The following HCFC2 variants were observed in gnomAD, a reference collection of about 807,000 sequenced individuals.
The protein encoded by HCFC2 is host cell factor C2.
In HCFC2, 18 loss-of-function variants were observed where a neutral mutation model predicts 89.2. The observed-to-expected ratio is 0.20, with a 90% CI of 0.14 to 0.30. The LOEUF (loss-of-function observed/expected upper bound fraction) is 0.30, where lower values mean the gene tolerates loss of function less well. HCFC2 is among the 10% of genes least tolerant of loss of function. The pLI is 1.00. For missense variants in HCFC2, 578 were observed against 956.1 expected (o/e 0.60, Z 5.21); for synonymous variants, 308 against 335.7 (o/e 0.92, Z 0.90).
chr12:104,085,685 G>A (rs1261297099), intron 7 of HCFC2, among the ~76,000 whole-genome samples: 1 of 150,934 alleles, frequency 6.6e-6, no homozygotes, highest in African/African-American at 2.4e-5. Context: ...TTTGGTGGAA[G>A]AGGGGGCTCA....
intron 3 of HCFC2, among the ~76,000 whole-genome samples, chr12:104,077,729 CAT>C (rs1283580707): frequency 9.2e-5 from 14 of 151,984 alleles, no homozygotes; most frequent in Middle Eastern, 3.4e-3. Flanking sequence ...GAAATTAACA[CAT>C]GTTTACAATG....
At chr12:104,078,202 C>T (rs567240904) in intron 3 of HCFC2, among the ~76,000 whole-genome samples, 34 of 152,210 alleles carry the variant, frequency 2.2e-4, no homozygotes, top group Non-Finnish European at 2.8e-4. Flanking sequence ...AGAGTTTCAC[C>T]GTGTTAGCTA....
At chr12:104,083,586 A>G (rs1312565758) in intron 7 of HCFC2, among the ~76,000 whole-genome samples, 1 of 152,224 alleles carries the variant, frequency 6.6e-6, no homozygotes, top group Non-Finnish European at 1.5e-5. Context: ...TATTACACCA[A>G]TAATTTCTTA....
At chr12:104,088,110 C>T in intron 9 of HCFC2, 72 bp downstream of exon 9, 1 of 1,012,884 alleles carries the variant, frequency 9.9e-7, no homozygotes, top group Non-Finnish European at 1.5e-6. Context: ...AGATATTTAG[C>T]ATACTACTAC....
chr12:104,072,846 A>G (rs903970002), intron 3 of HCFC2, among the ~76,000 whole-genome samples: 2 of 151,658 alleles, frequency 1.3e-5, no homozygotes, highest in East Asian at 2.0e-4. Flanking sequence ...GGGTTTCACC[A>G]TGTTAGCCAG....
intron 7 of HCFC2, among the ~76,000 whole-genome samples, chr12:104,083,183 G>A (rs1299032302): frequency 6.6e-6 from 1 of 152,072 alleles, no homozygotes; most frequent in Non-Finnish European, 1.5e-5. Flanking sequence ...TGGCAAGCAT[G>A]AGAAACCTGG....
At chr12:104,099,529 A>G (rs939586992) in intron 13 of HCFC2, among the ~76,000 whole-genome samples, 1 of 151,944 alleles carries the variant, frequency 6.6e-6, no homozygotes, top group African/African-American at 2.4e-5. Flanking sequence ...TGAGCCCAGG[A>G]GTTTGAGACT....
At chr12:104,091,106 C>T (rs1884010836) in intron 9 of HCFC2, among the ~76,000 whole-genome samples, 1 of 152,156 alleles carries the variant, frequency 6.6e-6, no homozygotes, top group Admixed American at 6.5e-5. Context: ...TCATTTAATT[C>T]CTATTTTCAG....
At position 104,103,900 on chromosome 12, in the gene HCFC2, G is replaced by A. The variant is rs1263628145; in HGVS notation, c.*627G>A. 6.6e-5 allele frequency: 10 copies of A among 152,018 alleles called. No homozygotes were observed. The highest frequency in any genetic ancestry group is 2.4e-4 in the African/African-American group (10 of 41,424). The allele number at this position is 152,018 out of a possible 1,614,324, so 9.4% of individuals were successfully genotyped here. The stretch of plus-strand genomic sequence containing the variant: ...CAAGAATCATGGTAAAATACAACAA[G>A]AACAATGAGTTTTCTTGATTCTTAC... On this transcript the variant is annotated 3_prime_UTR_variant, in exon 15 of 15. Transcript: ENST00000229330.
intron 3 of HCFC2, among the ~76,000 whole-genome samples, chr12:104,073,795 T>C (rs370590176): frequency 1.3e-4 from 20 of 152,348 alleles, no homozygotes; most frequent in African/African-American, 4.8e-4. Flanking sequence ...CTTGTATAAA[T>C]GTGTCTCTCT....
rs759691216 is a variant in HCFC2 at position 104,079,677 on chromosome 12, C to T, written c.682+24C>T. Reference sequence around the variant, plus strand: ...AGGTAAGTTTAACTTGATTCAGGCTCAGGAATAGGGCAAATTAAAAAATGC... The same window carrying T: ...AGGTAAGTTTAACTTGATTCAGGCTTAGGAATAGGGCAAATTAAAAAATGC... On this transcript the variant is annotated intron_variant, in intron 4 of 14. Transcript: ENST00000229330. 1.9e-6 allele frequency: 3 copies of T among 1,548,344 alleles called. No homozygotes were observed. The South Asian group carries it at 3.4e-5, about 17-fold the overall frequency.
At chr12:104,077,643 T>C (rs932182297) in intron 3 of HCFC2, among the ~76,000 whole-genome samples, 7 of 151,994 alleles carry the variant, frequency 4.6e-5, no homozygotes, top group Non-Finnish European at 1.0e-4. Flanking sequence ...TCCCTATTTA[T>C]TATTTTTCTT....
At chr12:104,070,235 A>G (rs769204485) in intron 3 of HCFC2, among the ~76,000 whole-genome samples, 2 of 152,088 alleles carry the variant, frequency 1.3e-5, no homozygotes, top group Non-Finnish European at 2.9e-5. Flanking sequence ...TCACCGCGTT[A>G]GCCAGGATGG....
chr12:104,080,232 C>T (rs1389417828), intron 4 of HCFC2, among the ~76,000 whole-genome samples: 1 of 152,184 alleles, frequency 6.6e-6, no homozygotes, highest in Non-Finnish European at 1.5e-5. Flanking sequence ...ATTACAAATA[C>T]AGTCATCCCT....
intron 3 of HCFC2, among the ~76,000 whole-genome samples, chr12:104,074,629 C>T (rs903076919): frequency 1.6e-4 from 24 of 152,248 alleles, no homozygotes; most frequent in South Asian, 1.5e-3. Context: ...ATATGAGCCA[C>T]CTTTTTATTC....
intron 10 of HCFC2, among the ~76,000 whole-genome samples, chr12:104,093,903 C>T (rs1417607302): frequency 1.3e-5 from 2 of 151,842 alleles, no homozygotes; most frequent in East Asian, 1.9e-4. Flanking sequence ...TGGCTGACTC[C>T]AGGAGATACA....
intron 3 of HCFC2, among the ~76,000 whole-genome samples, chr12:104,078,136 C>G (rs1283804657): frequency 6.6e-6 from 1 of 151,948 alleles, no homozygotes; most frequent in African/African-American, 2.4e-5. Context: ...GTAGCTGGGA[C>G]TACAAGTGCC....
At chr12:104,088,147 C>T (rs1883921296) in intron 9 of HCFC2, 109 bp downstream of exon 9, 2 of 552,992 alleles carry the variant, frequency 3.6e-6, no homozygotes, top group Non-Finnish European at 6.1e-6. Context: ...TTAATCCTGC[C>T]TGCACTTGAG....
In HCFC2 at chr12:104,099,604, CTA is replaced by C. The variant is rs538722343; in HGVS notation, c.1878+1126_1878+1127del. On this transcript the variant is annotated intron_variant, in intron 13 of 14. Transcript: ENST00000229330. ...TCCAAACTGGGCAACATGGCAATAC[CTA>C]TCTCTAAATTTAAAAAAAAAAAAAA... Among the ~76,000 whole-genome samples, 271 of 151,352 alleles carry C rather than the reference CTA, an allele frequency of 1.8e-3. 1 individual carries two copies. Among genetic ancestry groups the C allele is most frequent in the African/African-American group, 6.3e-3 (260 of 41,222 alleles).
Sources: gnomAD v4.1 joint callset for allele counts (sites outside exome capture counted in the v4.1 genomes callset) on GRCh38, gnomAD v4.1.1 for gene constraint, MANE v1.5 for transcripts, NCBI Gene and HGNC (gene_info 2026-07-23, HGNC 2026-07-21) for gene names.